Variants in FGF13 observed in about 807,000 individuals in gnomAD.
The protein encoded by FGF13 is fibroblast growth factor homologous factor 2.
Under a neutral mutation model 19.5 loss-of-function variants are expected in FGF13, and 2 were observed. The observed-to-expected ratio is 0.10, with a 90% confidence interval of 0.04 to 0.32. The LOEUF (loss-of-function observed/expected upper bound fraction) is 0.32, where lower values mean the gene tolerates loss of function less well. Among genes scored for constraint, FGF13 ranks in the 10% least tolerant of loss-of-function variants. FGF13 has a pLI of 1.00. For synonymous variants in FGF13, 72 were observed against 76.9 expected (o/e 0.94, Z 0.33); for missense variants, 113 against 192.7 (o/e 0.59, Z 2.45).
chrX:138,867,022 A>C (rs979099943), intron 1 of FGF13, among the ~76,000 whole-genome samples: 1 of 111,540 alleles, frequency 9.0e-6, no homozygotes, highest in Non-Finnish European at 1.9e-5. Flanking sequence ...AGATGACCAA[A>C]CTGAATCTCG....
intron 1 of FGF13, among the ~76,000 whole-genome samples, chrX:138,952,973 A>T (rs1279550953): frequency 9.0e-6 from 1 of 111,330 alleles, no homozygotes; most frequent in Non-Finnish European, 1.9e-5. Context: ...CTTTTACACT[A>T]TTGGTGGGAC....
chrX:138,649,635 TTGAC>T (rs1256093733), intron 3 of FGF13, among the ~76,000 whole-genome samples: 2 of 112,347 alleles, frequency 1.8e-5, no homozygotes, highest in African/African-American at 6.5e-5. Context: ...GACTTGTTCT[TTGAC>T]TGACTCTCAA....
intron 3 of FGF13, among the ~76,000 whole-genome samples, chrX:138,673,474 G>T (rs1181595482): frequency 9.0e-6 from 1 of 111,313 alleles, no homozygotes; most frequent in Non-Finnish European, 1.9e-5. Flanking sequence ...AAGCACATGT[G>T]GGGGCAAGGG....
At chrX:139,174,331 A>C (rs2084160727) in intron 1 of FGF13, among the ~76,000 whole-genome samples, 1 of 111,951 alleles carries the variant, frequency 8.9e-6, no homozygotes, top group Non-Finnish European at 1.9e-5. Context: ...GAATGCAAAA[A>C]TTTTCTCCCA....
At chrX:138,820,496 C>T (rs2090992189) in intron 3 of FGF13, among the ~76,000 whole-genome samples, 1 of 111,585 alleles carries the variant, frequency 9.0e-6, no homozygotes, top group South Asian at 3.8e-4. Flanking sequence ...TTCAATTCTG[C>T]CACTGCAGCA....
chrX:138,668,704 G>A (rs778013858), intron 3 of FGF13, among the ~76,000 whole-genome samples: 1 of 109,463 alleles, frequency 9.1e-6, no homozygotes, highest in African/African-American at 3.3e-5. Flanking sequence ...CTGGGGGTGG[G>A]GAGGACATCA....
At chrX:138,935,671 G>A (rs1351872721) in intron 1 of FGF13, among the ~76,000 whole-genome samples, 1 of 111,191 alleles carries the variant, frequency 9.0e-6, no homozygotes, top group Non-Finnish European at 1.9e-5. Context: ...ACTTTTCTTG[G>A]TGTATAGTTC....
chrX:138,919,856 A>G (rs1333555230), intron 1 of FGF13, among the ~76,000 whole-genome samples: 1 of 110,708 alleles, frequency 9.0e-6, no homozygotes, highest in East Asian at 2.8e-4. Flanking sequence ...AAAGGGGCTC[A>G]TGTTTAACTG....
intron 3 of FGF13, among the ~76,000 whole-genome samples, chrX:138,798,516 A>AT (rs1053109218): frequency 3.2e-4 from 35 of 109,876 alleles, no homozygotes; most frequent in Non-Finnish European, 4.9e-4. Flanking sequence ...TATTGGCCTG[A>AT]TTTTTTTTTC....
intron 1 of FGF13, among the ~76,000 whole-genome samples, chrX:139,160,860 T>A (rs558885478): frequency 7.0e-4 from 78 of 111,950 alleles, no homozygotes; most frequent in African/African-American, 2.2e-3. Flanking sequence ...ATTAATAGCC[T>A]ACCAACCAAA....
chrX:138,820,290 A>G (rs1488056942), intron 3 of FGF13, among the ~76,000 whole-genome samples: 1 of 111,997 alleles, frequency 8.9e-6, no homozygotes. Context: ...CATCAATTCA[A>G]TTTGATTCAA....
At chrX:138,805,745 A>G (rs1421867572) in intron 3 of FGF13, among the ~76,000 whole-genome samples, 3 of 112,211 alleles carry the variant, frequency 2.7e-5, no homozygotes, top group African/African-American at 6.5e-5. Flanking sequence ...ATTTTTACAC[A>G]TACAATATAT....
intron 3 of FGF13, among the ~76,000 whole-genome samples, chrX:138,642,131 G>A (rs2089257150): frequency 9.4e-6 from 1 of 106,589 alleles, no homozygotes; most frequent in Non-Finnish European, 1.9e-5. Flanking sequence ...GGAGGAAAGT[G>A]GCCTAGAGGT....
chrX:139,031,271 C>G (rs2092225678), intron 1 of FGF13, among the ~76,000 whole-genome samples: 1 of 111,003 alleles, frequency 9.0e-6, no homozygotes, highest in Non-Finnish European at 1.9e-5. Flanking sequence ...AAGGTAAATC[C>G]AAAGCAAAAA....
intron 1 of FGF13, among the ~76,000 whole-genome samples, chrX:139,173,143 A>T (rs970405516): frequency 1.8e-5 from 2 of 112,188 alleles, no homozygotes; most frequent in African/African-American, 6.5e-5. Flanking sequence ...ATTCCTTGAC[A>T]AACCCAAAAG....
intron 3 of FGF13, among the ~76,000 whole-genome samples, chrX:138,664,727 A>G (rs2089523886): frequency 9.0e-6 from 1 of 111,420 alleles, no homozygotes. Flanking sequence ...TTTTTAAAAG[A>G]AGCAGTGGCA....
At position 138,619,846 on chromosome X, in the gene FGF13, G is replaced by C. The variant is rs4829941; in HGVS notation, c.*13004C>G. On this transcript the variant is annotated 3_prime_UTR_variant, in exon 5 of 5. Coordinates refer to ENST00000315930, the MANE Select transcript of FGF13 (RefSeq NM_004114.5). Reference sequence around the variant, plus strand: ...TGCTGGCAAGGTTGCAGAGAAATAGGAACACTTTTACACTGCTGGTGGGAA... The same window carrying C: ...TGCTGGCAAGGTTGCAGAGAAATAGCAACACTTTTACACTGCTGGTGGGAA... 17,269 of 111,338 alleles carry C rather than the reference G, an allele frequency of 0.16. 967 individuals are homozygous for C. The highest frequency in any genetic ancestry group is 0.24 in the South Asian group (613 of 2,604). The allele number at this position is 111,338 out of a possible 1,213,427, so 9.2% of individuals were successfully genotyped here. A position where few individuals can be genotyped will look rare whatever the true frequency, so the allele number is the denominator to read the frequency against.
At chrX:138,781,517 C>T (rs1273030127) in intron 3 of FGF13, among the ~76,000 whole-genome samples, 1 of 109,223 alleles carries the variant, frequency 9.2e-6, no homozygotes, top group Non-Finnish European at 1.9e-5. Flanking sequence ...TACAAACTAC[C>T]ATCAGAGAAT....
intron 1 of FGF13, among the ~76,000 whole-genome samples, chrX:138,894,640 C>A (rs1350084405): frequency 9.0e-6 from 1 of 110,937 alleles, no homozygotes; most frequent in Non-Finnish European, 1.9e-5. Flanking sequence ...AGACCAATAA[C>A]AGGTTCTGAA....
Sources: allele counts gnomAD v4.1 joint callset (sites outside exome capture counted in the v4.1 genomes callset), GRCh38; gene constraint gnomAD v4.1.1; transcripts MANE v1.5; gene names NCBI Gene and HGNC (gene_info 2026-07-23, HGNC 2026-07-21).